LRBA: variants seen among roughly 807,000 people sequenced by gnomAD.
LRBA encodes LPS responsive beige-like anchor protein.
Under a neutral mutation model 330.0 loss-of-function variants are expected in LRBA, and 176 were observed. That is an observed-to-expected ratio of 0.53 (90% CI 0.47 to 0.60). The LOEUF (loss-of-function observed/expected upper bound fraction) is 0.60. LRBA is among the 20% of genes least tolerant of loss of function. LRBA has a pLI of 0.00. For synonymous variants in LRBA, 1,230 were observed against 1,193.0 expected, an observed-to-expected ratio of 1.03 and a Z score of -0.64; for missense variants, 3,259 against 3,444.8, an observed-to-expected ratio of 0.95 and a Z score of 1.35.
chr4:150,265,847 C>T, intron 56 of LRBA, 35 bp from the exon 57 acceptor site: 1 of 1,304,740 alleles, frequency 7.7e-7, no homozygotes, highest in Non-Finnish European at 1.1e-6. Context: ...CTTTTACAAA[C>T]CTGTGTGTCC....
chr4:150,671,360 C>A (rs1206974861), intron 37 of LRBA, among the ~76,000 whole-genome samples: 1 of 152,104 alleles, frequency 6.6e-6, no homozygotes, highest in African/African-American at 2.4e-5. Flanking sequence ...ACCTAAGCTT[C>A]AAGAGTGTAG....
Position 150,436,784 on chromosome 4 carries a change from C to T in LRBA, c.6861G>A (p.Lys2287=). 1.2e-6 allele frequency: 2 copies of T among 1,613,630 alleles called. No homozygotes were observed. Among genetic ancestry groups the T allele is most frequent in the South Asian group, 1.1e-5 (1 of 91,040 alleles). Residue 2287 remains lysine, a synonymous_variant, in exon 45 of 57, where the codon AAG becomes AAA. Transcript: ENST00000651943. Reference sequence around the variant, plus strand: ...TTGAGTAATGAGTACCATAGTGAAACTTTGGAACTTGATCATCTTCCCATG... The same window carrying T: ...TTGAGTAATGAGTACCATAGTGAAATTTTGGAACTTGATCATCTTCCCATG... The part of the protein sequence containing the change: ...YESWEDDQVP[K]FHYGTHYSTA...
At chr4:150,332,281 TTCC>T (rs1265396589) in intron 48 of LRBA, among the ~76,000 whole-genome samples, 8 of 152,314 alleles carry the variant, frequency 5.3e-5, no homozygotes, top group Non-Finnish European at 1.2e-4. Context: ...TGTGGTTTCT[TTCC>T]TCCTCATTCT....
chr4:150,940,925 T>C (rs867087487), intron 2 of LRBA, among the ~76,000 whole-genome samples: 1 of 152,054 alleles, frequency 6.6e-6, no homozygotes, highest in Non-Finnish European at 1.5e-5. Context: ...TAATTTATTA[T>C]AATTTTCTAA....
chr4:150,937,167 T>A (rs1735163336), intron 2 of LRBA, among the ~76,000 whole-genome samples: 1 of 152,096 alleles, frequency 6.6e-6, no homozygotes, highest in African/African-American at 2.4e-5. Context: ...AAGGAGAAAT[T>A]GATGGCAGAA....
intron 47 of LRBA, among the ~76,000 whole-genome samples, chr4:150,382,746 A>G (rs968310433): frequency 1.3e-5 from 2 of 152,220 alleles, no homozygotes; most frequent in Non-Finnish European, 2.9e-5. Context: ...CTAAATTTAA[A>G]TTAACATAGA....
At chr4:150,827,000 TGA>T (rs887668362) in intron 30 of LRBA, among the ~76,000 whole-genome samples, 2 of 152,188 alleles carry the variant, frequency 1.3e-5, no homozygotes, top group African/African-American at 4.8e-5. Context: ...AAGGAAATCA[TGA>T]GAGACTATAG....
intron 44 of LRBA, among the ~76,000 whole-genome samples, chr4:150,461,492 T>C (rs772597270): frequency 1.6e-4 from 25 of 151,944 alleles, no homozygotes; most frequent in Non-Finnish European, 3.1e-4. Context: ...GTTCAAATTC[T>C]GATTCTACCT....
chr4:150,493,184 A>G (rs1324104937), intron 40 of LRBA, among the ~76,000 whole-genome samples: 1 of 151,964 alleles, frequency 6.6e-6, no homozygotes, highest in Non-Finnish European at 1.5e-5. Context: ...AGGTCTCACT[A>G]TGTTCCCCAG....
intron 36 of LRBA, among the ~76,000 whole-genome samples, chr4:150,719,221 C>A (rs965700666): frequency 6.6e-6 from 1 of 151,938 alleles, no homozygotes; most frequent in Non-Finnish European, 1.5e-5. Flanking sequence ...TTCCACCTTC[C>A]TCGTTCTCTC....
chr4:150,917,158 A>AT (rs912803467), intron 5 of LRBA, among the ~76,000 whole-genome samples: 1 of 147,348 alleles, frequency 6.8e-6, no homozygotes, highest in Non-Finnish European at 1.5e-5. Flanking sequence ...ATCTCAAAAA[A>AT]AAAAATATAT....
chr4:150,782,890 T>C (rs1433895509), intron 34 of LRBA, among the ~76,000 whole-genome samples: 1 of 146,966 alleles, frequency 6.8e-6, no homozygotes, highest in Non-Finnish European at 1.5e-5. Context: ...AAAACTTTTT[T>C]TTTTAAATTT....
chr4:150,390,350 T>C (rs1743745934), intron 47 of LRBA, among the ~76,000 whole-genome samples: 1 of 152,170 alleles, frequency 6.6e-6, no homozygotes. Flanking sequence ...TTTCTGAGAA[T>C]GGAAAATTTT....
Position 150,880,608 on chromosome 4 carries a change from G to A in LRBA, c.2166-7853C>T, listed in dbSNP as rs1273231686. 5.9e-5 allele frequency among the ~76,000 whole-genome samples: 9 copies of A among 151,304 alleles called. No individual in the cohort carries two copies. In the Middle Eastern group the frequency reaches 0.014, roughly 230 times the overall value. On this transcript the variant is annotated intron_variant, in intron 17 of 56. Coordinates refer to ENST00000651943, the MANE Select transcript of LRBA (RefSeq NM_001364905.1). ...ATTAGAACAATCCTAGAAGAAAAAC[G>A]AGAAAACACCATTCTGGACATCAGC...
intron 40 of LRBA, among the ~76,000 whole-genome samples, chr4:150,557,625 T>G (rs1240810194): frequency 6.6e-6 from 1 of 152,170 alleles, no homozygotes; most frequent in Non-Finnish European, 1.5e-5. Context: ...TTGACAGCTT[T>G]AAAGAGTACT....
rs182741413 is a variant in LRBA at position 150,380,324 on chromosome 4, A to G, written c.7195-30165T>C. Reference sequence around the variant, plus strand: ...AATAATATTTACAAAGCACCTGTGAACTAATTCTTAGCAGTTAAGAATTTT... The same window carrying G: ...AATAATATTTACAAAGCACCTGTGAGCTAATTCTTAGCAGTTAAGAATTTT... On this transcript the variant is annotated intron_variant, in intron 47 of 56. Coordinates refer to ENST00000651943, the MANE Select transcript of LRBA (RefSeq NM_001364905.1). 4.2e-3 allele frequency among the ~76,000 whole-genome samples: 645 copies of G among 152,348 alleles called. 5 individuals carry two copies. The highest frequency in any genetic ancestry group is 0.015 in the African/African-American group (609 of 41,580).
chr4:150,581,545 TAA>T (rs35940180), intron 40 of LRBA: 49 of 180,636 alleles, frequency 2.7e-4, no homozygotes, highest in South Asian at 5.0e-4. Context: ...TAGAATCATT[TAA>T]AAAAAAAAAA....
intron 28 of LRBA, among the ~76,000 whole-genome samples, chr4:150,833,562 T>A (rs973526493): frequency 3.3e-5 from 5 of 152,148 alleles, no homozygotes; most frequent in Non-Finnish European, 7.3e-5. Context: ...TATACTGTAA[T>A]CTATTAATTG....
intron 11 of LRBA, 65 bp from the exon 12 acceptor site, chr4:150,906,470 TA>T: frequency 1.1e-6 from 1 of 883,304 alleles, no homozygotes; most frequent in Non-Finnish European, 1.9e-6. Flanking sequence ...TTAGGTTAGA[TA>T]GATGTAACCC....
Sources: gnomAD v4.1 joint callset for allele counts (sites outside exome capture counted in the v4.1 genomes callset) on GRCh38, gnomAD v4.1.1 for gene constraint, MANE v1.5 for transcripts, NCBI Gene and HGNC (gene_info 2026-07-23, HGNC 2026-07-21) for gene names.